Variants in NMNAT2 observed in about 807,000 individuals in gnomAD.
NMNAT2 encodes the protein nicotinamide/nicotinic acid mononucleotide adenylyltransferase 2.
In NMNAT2, 11 loss-of-function variants were observed where a neutral mutation model predicts 41.6. The observed-to-expected ratio is 0.26, with a 90% CI of 0.17 to 0.44. The LOEUF (loss-of-function observed/expected upper bound fraction) is 0.44. NMNAT2 is among the 20% of genes least tolerant of loss of function. The probability of loss-of-function intolerance (pLI) is 1.00; values close to 1 mark genes in which losing one functional copy is unlikely to be tolerated. For missense variants in NMNAT2, 288 were observed against 407.7 expected, an observed-to-expected ratio of 0.71 and a Z score of 2.53; for synonymous variants, 148 against 151.2, an observed-to-expected ratio of 0.98 and a Z score of 0.16.
chr1:183,395,651 A>G (rs979878906), intron 1 of NMNAT2, among the ~76,000 whole-genome samples: 1 of 152,176 alleles, frequency 6.6e-6, no homozygotes, highest in African/African-American at 2.4e-5. Flanking sequence ...CTGGGACCCA[A>G]GGTGAGAATC....
chr1:183,265,763 G>T (rs1345378630), intron 8 of NMNAT2, among the ~76,000 whole-genome samples: 1 of 152,114 alleles, frequency 6.6e-6, no homozygotes, highest in Non-Finnish European at 1.5e-5. Flanking sequence ...GCTGAATAAT[G>T]AACCCGAAAG....
chr1:183,355,844 A>G (rs1663173024), intron 1 of NMNAT2, among the ~76,000 whole-genome samples: 2 of 152,130 alleles, frequency 1.3e-5, no homozygotes, highest in Admixed American at 1.3e-4. Context: ...CTAGACTCAG[A>G]CAATCAGTGA....
intron 1 of NMNAT2, among the ~76,000 whole-genome samples, chr1:183,357,609 C>G (rs1159676307): frequency 6.6e-6 from 1 of 152,202 alleles, no homozygotes; most frequent in East Asian, 1.9e-4. Context: ...GACTAATTTA[C>G]ACTCCTATCA....
intron 1 of NMNAT2, among the ~76,000 whole-genome samples, chr1:183,306,219 T>C (rs1661990620): frequency 6.6e-6 from 1 of 152,128 alleles, no homozygotes; most frequent in Admixed American, 6.6e-5. Flanking sequence ...GCAGGCTGAA[T>C]AATGGCTTTC....
At chr1:183,287,222 T>C (rs1268677880) in intron 4 of NMNAT2, among the ~76,000 whole-genome samples, 1 of 152,082 alleles carries the variant, frequency 6.6e-6, no homozygotes, top group Admixed American at 6.6e-5. Context: ...CTGTGTAACA[T>C]GAATATCTGC....
At chr1:183,274,744 C>A (rs1355201659) in intron 8 of NMNAT2, among the ~76,000 whole-genome samples, 1 of 144,302 alleles carries the variant, frequency 6.9e-6, no homozygotes, top group African/African-American at 2.6e-5. Context: ...CCAGCCTGGG[C>A]AACATAGTGA....
rs369432128 is a variant in NMNAT2 at position 183,341,748 on chromosome 1, C to CAAAAAAAAAAAAAAAAAAAAAA, written c.86-47956_86-47955insTTTTTTTTTTTTTTTTTTTTTT. Reference sequence around the variant, plus strand: ...ACCAAAAAAAAAAAAAAAAAAAAAACCTGTTTCCTTCACTCCAGGTTACTT... The same window carrying CAAAAAAAAAAAAAAAAAAAAAA: ...ACCAAAAAAAAAAAAAAAAAAAAAACAAAAAAAAAAAAAAAAAAAAAACTGTTTCCTTCACTCCAGGTTACTT... On this transcript the variant is annotated intron_variant, in intron 1 of 10. Transcript: ENST00000287713. Among the ~76,000 whole-genome samples the CAAAAAAAAAAAAAAAAAAAAAA allele has an allele frequency of 2.0e-4, 16 of 79,794 alleles. 4 individuals carry two copies. The highest frequency in any genetic ancestry group is 3.2e-4 in the Non-Finnish European group (13 of 40,942). The allele number at this position is 79,794 out of a possible 152,430, so 52.3% of individuals were successfully genotyped here. A position where few individuals can be genotyped will look rare whatever the true frequency, so the allele number is the denominator to read the frequency against.
chr1:183,397,091 C>T (rs1648670457), intron 1 of NMNAT2, among the ~76,000 whole-genome samples: 1 of 152,144 alleles, frequency 6.6e-6, no homozygotes, highest in Admixed American at 6.5e-5. Flanking sequence ...AGGGTGGTGG[C>T]AGGAGAATGG....
At chr1:183,411,476 T>G (rs1361198) in intron 1 of NMNAT2, among the ~76,000 whole-genome samples, 57,625 of 151,872 alleles carry the variant, frequency 0.38, 12,413 homozygotes, top group East Asian at 0.64. Flanking sequence ...GCAAATTTTT[T>G]GGAATTTTTA....
intron 1 of NMNAT2, among the ~76,000 whole-genome samples, chr1:183,397,895 G>C (rs1157451015): frequency 6.6e-6 from 1 of 152,106 alleles, no homozygotes; most frequent in Non-Finnish European, 1.5e-5. Flanking sequence ...TGCCCTAAAA[G>C]AGCTCCTGAA....
chr1:183,380,296 C>G (rs1048783904), intron 1 of NMNAT2, among the ~76,000 whole-genome samples: 1 of 152,106 alleles, frequency 6.6e-6, no homozygotes, highest in Non-Finnish European at 1.5e-5. Flanking sequence ...TACTTTCCTA[C>G]CCTTATTTTC....
chr1:183,294,968 C>T (rs1661646100), intron 1 of NMNAT2, among the ~76,000 whole-genome samples: 1 of 152,118 alleles, frequency 6.6e-6, no homozygotes, highest in Non-Finnish European at 1.5e-5. Flanking sequence ...TTTCTTAACA[C>T]TTGAAAAAAG....
Position 183,363,317 on chromosome 1 carries a change from T to G in NMNAT2, c.85+54866A>C, listed in dbSNP as rs529866084. On this transcript the variant is annotated intron_variant, in intron 1 of 10. Transcript: ENST00000287713. ...ACCTTAGCTTTATTATCTGTAAAAA[T>G]GGATTGTATCTCTCTTATAGGGCTA... 3.9e-4 allele frequency among the ~76,000 whole-genome samples: 60 copies of G among 152,306 alleles called. 2 individuals carry two copies. In the East Asian group the frequency reaches 0.011, roughly 27 times the overall value.
Position 183,250,554 on chromosome 1 carries a change from G to A in NMNAT2, c.*2087C>T, listed in dbSNP as rs1660348191. On this transcript the variant is annotated 3_prime_UTR_variant, in exon 11 of 11. Coordinates refer to ENST00000287713, the MANE Select transcript of NMNAT2 (RefSeq NM_015039.4). Reference sequence around the variant, plus strand: ...GTGGTGTGACGGCCTAGGGGTCAGGGAAACAATATGTTCTTGTCAGGCCCT... The same window carrying A: ...GTGGTGTGACGGCCTAGGGGTCAGGAAAACAATATGTTCTTGTCAGGCCCT... The A allele has an allele frequency of 6.6e-6, 1 of 152,624 alleles. No individual in the cohort carries two copies. The highest frequency in any genetic ancestry group is 1.5e-5 in the Non-Finnish European group (1 of 68,064). 9.5% of individuals were successfully genotyped at this position (152,624 alleles called of 1,614,324 possible).
At chr1:183,335,978 G>A (rs1182460177) in intron 1 of NMNAT2, among the ~76,000 whole-genome samples, 1 of 152,206 alleles carries the variant, frequency 6.6e-6, no homozygotes, top group Non-Finnish European at 1.5e-5. Context: ...CACAACAAGG[G>A]TATCTGAACT....
rs1660320179 is a variant in NMNAT2, at chr1:183,249,662, C to T, written c.*2979G>A. On this transcript the variant is annotated 3_prime_UTR_variant, in exon 11 of 11. Transcript: ENST00000287713. ...GATTTAGTTGTGCTGTGACCTTCCC[C>T]TAGCAAATGAAGAGTAGGGCGTGTG... 6.7e-6 allele frequency: 1 copy of T among 149,368 alleles called. No individual in the cohort carries two copies. The highest frequency in any genetic ancestry group is 2.1e-4 in the South Asian group (1 of 4,652). 9.3% of individuals were successfully genotyped at this position (149,368 alleles called of 1,614,324 possible). A position where few individuals can be genotyped will look rare whatever the true frequency, so the allele number is the denominator to read the frequency against.
At chr1:183,288,748 GA>G (rs1193195381) in intron 4 of NMNAT2, among the ~76,000 whole-genome samples, 1 of 152,218 alleles carries the variant, frequency 6.6e-6, no homozygotes, top group African/African-American at 2.4e-5. Flanking sequence ...TGAAGTCACT[GA>G]GCTTTTAGGG....
intron 1 of NMNAT2, among the ~76,000 whole-genome samples, chr1:183,396,501 T>C (rs1648654625): frequency 6.6e-6 from 1 of 152,080 alleles, no homozygotes; most frequent in Non-Finnish European, 1.5e-5. Context: ...GTATATGACC[T>C]CCTTGGGACA....
At chr1:183,405,140 A>G (rs1165921087) in intron 1 of NMNAT2, among the ~76,000 whole-genome samples, 1 of 152,160 alleles carries the variant, frequency 6.6e-6, no homozygotes, top group East Asian at 1.9e-4. Context: ...GGATCACGTG[A>G]GCCCAGGAGG....
Sources: allele counts gnomAD v4.1 joint callset (sites outside exome capture counted in the v4.1 genomes callset), GRCh38; gene constraint gnomAD v4.1.1; transcripts MANE v1.5; gene names NCBI Gene and HGNC (gene_info 2026-07-23, HGNC 2026-07-21).